PID1: variants seen among roughly 807,000 people sequenced by gnomAD.
PID1 encodes the protein phosphotyrosine interaction domain containing 1.
PID1 carries 10 observed loss-of-function variants against 19.1 expected under a neutral mutation model. The observed-to-expected ratio is 0.52, with a 90% confidence interval of 0.32 to 0.89. The LOEUF is 0.89. Ranked by LOEUF, PID1 falls within the 40% of genes least tolerant of loss-of-function variation. The pLI, the probability that PID1 is intolerant of heterozygous loss-of-function variation, is 0.03. For missense variants in PID1, 248 were observed against 285.3 expected (o/e 0.87, Z 0.94); for synonymous variants, 130 against 116.0 (o/e 1.12, Z -0.78).
At chr2:229,054,715 TGTG>T in intron 2 of PID1, among the ~76,000 whole-genome samples, 1 of 14,528 alleles carries the variant, frequency 6.9e-5, no homozygotes, top group East Asian at 3.2e-3. Flanking sequence ...TGTGTGTGTG[TGTG>T]TGGGGGGGGG....
At chr2:229,251,638 T>C (rs1375314419) in intron 1 of PID1, among the ~76,000 whole-genome samples, 2 of 152,188 alleles carry the variant, frequency 1.3e-5, no homozygotes, top group East Asian at 1.9e-4. Context: ...ATGCAAGAGA[T>C]GAAAAATAAT....
intron 2 of PID1, among the ~76,000 whole-genome samples, chr2:229,128,193 T>C (rs1379283318): frequency 2.6e-5 from 4 of 152,216 alleles, no homozygotes; most frequent in African/African-American, 9.7e-5. Flanking sequence ...TAAAGGTATT[T>C]CCAGGGAGGC....
chr2:229,170,939 AATGTAAG>A (rs1690700291), intron 1 of PID1, among the ~76,000 whole-genome samples: 1 of 152,208 alleles, frequency 6.6e-6, no homozygotes, highest in Non-Finnish European at 1.5e-5. Flanking sequence ...CAGACAAAAC[AATGTAAG>A]ATTTAGAAAC....
At chr2:229,205,082 T>A (rs1283320221) in intron 1 of PID1, among the ~76,000 whole-genome samples, 1 of 152,122 alleles carries the variant, frequency 6.6e-6, no homozygotes, top group Admixed American at 6.5e-5. Flanking sequence ...TAACTTTAAA[T>A]CTCTTCTCAA....
intron 2 of PID1, among the ~76,000 whole-genome samples, chr2:229,037,665 C>T (rs953314951): frequency 2.6e-5 from 4 of 152,152 alleles, no homozygotes; most frequent in African/African-American, 9.7e-5. Flanking sequence ...ATACACATCC[C>T]CTCATGTGGC....
chr2:229,145,839 TA>T (rs914937098), intron 2 of PID1, among the ~76,000 whole-genome samples: 15 of 152,140 alleles, frequency 9.9e-5, no homozygotes, highest in Non-Finnish European at 2.2e-4. Context: ...AGGTTTTGTG[TA>T]AAAAAACCTA....
chr2:229,161,592 TA>T (rs1559263504), intron 1 of PID1, among the ~76,000 whole-genome samples: 1 of 152,240 alleles, frequency 6.6e-6, no homozygotes, highest in Non-Finnish European at 1.5e-5. Flanking sequence ...ATCTCTTTTT[TA>T]AAAAAGTGAA....
intron 2 of PID1, among the ~76,000 whole-genome samples, chr2:229,112,118 CT>C (rs1243967212): frequency 2.2e-4 from 34 of 152,190 alleles, no homozygotes; most frequent in African/African-American, 8.0e-4. Context: ...TTGTTAAGAA[CT>C]TTTTATCCAT....
chr2:229,192,049 A>C (rs956489907), intron 1 of PID1, among the ~76,000 whole-genome samples: 1 of 152,132 alleles, frequency 6.6e-6, no homozygotes, highest in Non-Finnish European at 1.5e-5. Context: ...CACACACTAT[A>C]TAAGTATAAA....
intron 2 of PID1, among the ~76,000 whole-genome samples, chr2:229,030,396 A>G (rs1244869433): frequency 6.6e-6 from 1 of 152,250 alleles, no homozygotes; most frequent in African/African-American, 2.4e-5. Context: ...GCACTTAAAA[A>G]TGGTTAAGAT....
chr2:229,109,805 G>C (rs1168055353), intron 2 of PID1, among the ~76,000 whole-genome samples: 1 of 152,230 alleles, frequency 6.6e-6, no homozygotes, highest in African/African-American at 2.4e-5. Context: ...AATAGCAGCT[G>C]CATATATTGT....
chr2:229,077,977 G>T (rs1419750817), intron 2 of PID1, among the ~76,000 whole-genome samples: 1 of 152,208 alleles, frequency 6.6e-6, no homozygotes, highest in Non-Finnish European at 1.5e-5. Context: ...ACTTTGGGCA[G>T]TATGACAATT....
In PID1 at chr2:229,025,754, G is replaced by T; in HGVS notation, c.532C>A (p.Leu178Met). 6.2e-7 allele frequency: 1 copy of T among 1,614,268 alleles called. No homozygotes were observed. Among genetic ancestry groups the T allele is most frequent in the South Asian group, 1.1e-5 (1 of 91,092 alleles). Reference sequence around the variant, plus strand: ...AAGGCCTCCATCATGGCGTGGGCCAGTTTCTTGGCCTCGAGCTTGCTCTCG... The same window carrying T: ...AAGGCCTCCATCATGGCGTGGGCCATTTTCTTGGCCTCGAGCTTGCTCTCG... ...ECESKLEAKK[L>M]AHAMMEAFRK... The change falls in exon 3 of 3, where the codon CTG (leucine) becomes ATG (methionine). Residue 178 changes from leucine to methionine, a missense_variant. By Grantham distance (15) the Leu-to-Met change is conservative (BLOSUM62 2). Coordinates refer to ENST00000392055, the MANE Select transcript of PID1 (RefSeq NM_001100818.2).
At chr2:229,104,722 C>T (rs114707230) in intron 2 of PID1, among the ~76,000 whole-genome samples, 10 of 152,294 alleles carry the variant, frequency 6.6e-5, no homozygotes, top group East Asian at 1.9e-4. Flanking sequence ...GTGACTCTAT[C>T]GCTTCTGAAC....
chr2:229,097,927 T>C (rs893550604), intron 2 of PID1, among the ~76,000 whole-genome samples: 1 of 152,196 alleles, frequency 6.6e-6, no homozygotes, highest in Non-Finnish European at 1.5e-5. Flanking sequence ...ATCTGAATTG[T>C]TCTGAAACCA....
chr2:229,117,498 C>T (rs1197054611), intron 2 of PID1, among the ~76,000 whole-genome samples: 2 of 152,178 alleles, frequency 1.3e-5, no homozygotes, highest in African/African-American at 4.8e-5. Context: ...TCCTGCCCTT[C>T]TCCATCCTTC....
chr2:229,063,451 T>C (rs1325596469), intron 2 of PID1, among the ~76,000 whole-genome samples: 1 of 152,144 alleles, frequency 6.6e-6, no homozygotes, highest in African/African-American at 2.4e-5. Context: ...TTCCTGTTGT[T>C]GATTTCCAGT....
At chr2:229,228,541 T>C (rs1055490206) in intron 1 of PID1, among the ~76,000 whole-genome samples, 3 of 152,182 alleles carry the variant, frequency 2.0e-5, no homozygotes, top group Non-Finnish European at 4.4e-5. Context: ...GGTGAGAAAT[T>C]ATAGGTTGAA....
intron 1 of PID1, among the ~76,000 whole-genome samples, chr2:229,216,791 C>T (rs1016057437): frequency 3.2e-4 from 49 of 152,202 alleles, no homozygotes; most frequent in African/African-American, 9.4e-4. Context: ...TGTCCCAGAG[C>T]TGCAAATGAT....
Sources: gnomAD v4.1 joint callset for allele counts (sites outside exome capture counted in the v4.1 genomes callset) on GRCh38, gnomAD v4.1.1 for gene constraint, MANE v1.5 for transcripts, NCBI Gene and HGNC (gene_info 2026-07-23, HGNC 2026-07-21) for gene names.